The following CENPL variants were observed in gnomAD, a reference collection of about 807,000 sequenced individuals.
CENPL encodes the protein centromere protein L.
In CENPL, 20 loss-of-function variants were observed where a neutral mutation model predicts 35.2. The ratio of observed to expected loss-of-function variants is 0.57; its 90% CI spans 0.40 to 0.83. The LOEUF (loss-of-function observed/expected upper bound fraction) is 0.83. CENPL is among the 40% of genes least tolerant of loss of function. The pLI, the probability that CENPL is intolerant of heterozygous loss-of-function variation, is 0.00. For missense variants in CENPL, 363 were observed against 395.8 expected (o/e 0.92, Z 0.70); for synonymous variants, 140 against 140.6 (o/e 1.00, Z 0.03).
chr1:173,812,227 C>G (rs1187374048), intron 2 of CENPL, among the ~76,000 whole-genome samples: 4 of 152,268 alleles, frequency 2.6e-5, no homozygotes, highest in South Asian at 2.1e-4. Context: ...TAGACTCCAC[C>G]TCTGTGGGCA....
chr1:173,807,389 C>G lies in CENPL; in HGVS notation c.298G>C (p.Val100Leu). ...EYSRLLNAFIVAEKQKGLAVE... is the reference protein window; with the variant it reads ...EYSRLLNAFILAEKQKGLAVE... ...GCAAGTCCTTTTTGCTTTTCAGCAA[C>G]AATAAAAGCATTGAGAAGTCTAGAA... Residue 100 changes from valine to leucine, a missense_variant, in exon 4 of 6, where the codon GTT (valine) becomes CTT (leucine). Coordinates refer to ENST00000682279, the MANE Select transcript of CENPL (RefSeq NM_001387287.1). 6.2e-7 allele frequency: 1 copy of G among 1,613,426 alleles called. No individual in the cohort carries two copies. Among genetic ancestry groups the G allele is most frequent in the Non-Finnish European group, 8.5e-7 (1 of 1,179,672 alleles).
intron 3 of CENPL, 62 bp from the exon 4 acceptor site, chr1:173,807,580 T>C (rs1650352963): frequency 1.5e-6 from 2 of 1,331,698 alleles, no homozygotes; most frequent in Non-Finnish European, 2.0e-6. Flanking sequence ...AATTTAATCA[T>C]AGCATTTAAA....
intron 2 of CENPL, among the ~76,000 whole-genome samples, chr1:173,816,571 C>T (rs1444458717): frequency 1.3e-5 from 2 of 152,148 alleles, no homozygotes; most frequent in Admixed American, 1.3e-4. Context: ...CTGACAAAAA[C>T]AAGAAACGGG....
Position 173,811,293 on chromosome 1 carries a change from A to T in CENPL, c.7T>A (p.Ser3Thr). The T allele has an allele frequency of 1.2e-6, 2 of 1,602,308 alleles. No individual in the cohort carries two copies. Among genetic ancestry groups the T allele is most frequent in the Non-Finnish European group, 1.7e-6 (2 of 1,171,258 alleles). Residue 3 changes from serine to threonine, a missense_variant, in exon 3 of 6, where the codon TCT becomes ACT. Transcript: ENST00000682279. ...GGAGTTGACTCTGGTGCACTGTAAG[A>T]ATCCATGGTCTGTCTGCATAAGAAG... MDSYSAPESTPSA... is the reference protein window; with the variant it reads MDTYSAPESTPSA...
intron 3 of CENPL, 100 bp from the exon 4 acceptor site, chr1:173,807,618 A>C: frequency 2.9e-6 from 3 of 1,017,422 alleles, no homozygotes; most frequent in Non-Finnish European, 4.1e-6. Context: ...ATTATTGAGT[A>C]CCTGATTTTT....
In CENPL at chr1:173,824,747, C is replaced by T. The variant is rs1026799059; in HGVS notation, c.-637G>A. ...GGAGAATTTTGGCTTTGCTCGCCTT[C>T]CTCTTTCAGAAGACTCGAAATCGGC... On this transcript the variant is annotated 5_prime_UTR_variant, in exon 1 of 6. Transcript: ENST00000682279. 2.2e-5 allele frequency: 4 copies of T among 184,398 alleles called. No homozygotes were observed. Among genetic ancestry groups the T allele is most frequent in the Non-Finnish European group, 4.7e-5 (4 of 85,776 alleles). 11.4% of individuals were successfully genotyped at this position (184,398 alleles called of 1,614,324 possible). A position where few individuals can be genotyped will look rare whatever the true frequency, so the allele number is the denominator to read the frequency against.
chr1:173,820,896 G>T (rs968734793), intron 2 of CENPL, among the ~76,000 whole-genome samples: 32 of 152,190 alleles, frequency 2.1e-4, no homozygotes, highest in African/African-American at 6.5e-4. Context: ...GGAAGAGGGT[G>T]GGAGGGACAT....
chr1:173,814,387 TCAC>T (rs1265185494), intron 2 of CENPL, among the ~76,000 whole-genome samples: 1 of 152,198 alleles, frequency 6.6e-6, no homozygotes, highest in Admixed American at 6.5e-5. Context: ...TACATTCTTC[TCAC>T]CACCACATCC....
chr1:173,821,230 A>C (rs999542047), intron 2 of CENPL, among the ~76,000 whole-genome samples: 1 of 152,194 alleles, frequency 6.6e-6, no homozygotes, highest in Non-Finnish European at 1.5e-5. Context: ...CATGAAGTAG[A>C]TCATGCTCCC....
intron 2 of CENPL, among the ~76,000 whole-genome samples, chr1:173,812,887 A>G (rs569836388): frequency 6.6e-6 from 1 of 152,308 alleles, no homozygotes; most frequent in South Asian, 2.1e-4. Context: ...GAGCTAAAGG[A>G]GCATGTTGTA....
chr1:173,813,266 G>C (rs1376729686), intron 2 of CENPL, among the ~76,000 whole-genome samples: 1 of 152,206 alleles, frequency 6.6e-6, no homozygotes, highest in African/African-American at 2.4e-5. Flanking sequence ...ATATTATCCA[G>C]GAGAACTTCC....
At chr1:173,805,307 A>T (rs1364171557) in intron 4 of CENPL, among the ~76,000 whole-genome samples, 4 of 152,188 alleles carry the variant, frequency 2.6e-5, no homozygotes, top group Non-Finnish European at 5.9e-5. Context: ...TCACGAGCTC[A>T]GGAGTTTGAG....
intron 2 of CENPL, among the ~76,000 whole-genome samples, chr1:173,811,537 C>T (rs960594921): frequency 9.9e-5 from 15 of 152,214 alleles, no homozygotes; most frequent in African/African-American, 3.6e-4. Flanking sequence ...CTAAATTCAA[C>T]TTCTTTTCCT....
Position 173,800,474 on chromosome 1 carries a change from C to G in CENPL, c.1009G>C (p.Glu337Gln). Reference protein sequence around the residue: ...YLIGVLAYLTELAIFQIE With the variant: ...YLIGVLAYLTQLAIFQIE ...CACTCAATTTGAAAAATTGCCAGTT[C>G]TGTCAAATATGCTAACACTCCAATA... Residue 337 changes from glutamate to glutamine, a missense_variant, in exon 6 of 6, where the codon GAA (glutamate) becomes CAA (glutamine). Glu to Gln is a conservative substitution (Grantham distance 29). Transcript: ENST00000682279. 1 of 1,488,634 alleles carries G rather than the reference C, an allele frequency of 6.7e-7. No homozygotes were observed. The highest frequency in any genetic ancestry group is 1.1e-5 in the South Asian group (1 of 87,650). The allele number at this position is 1,488,634 out of a possible 1,614,324, so 92.2% of individuals were successfully genotyped here. A position where few individuals can be genotyped will look rare whatever the true frequency, so the allele number is the denominator to read the frequency against.
intron 2 of CENPL, among the ~76,000 whole-genome samples, chr1:173,813,806 A>T (rs1261777593): frequency 6.6e-6 from 1 of 152,194 alleles, no homozygotes; most frequent in Non-Finnish European, 1.5e-5. Context: ...TAATGTCAGG[A>T]TCAGAGTCAC....
chr1:173,822,623 A>G (rs1057161547), intron 2 of CENPL: 3 of 151,980 alleles, frequency 2.0e-5, no homozygotes, highest in Non-Finnish European at 4.4e-5. Context: ...TAATAATTCC[A>G]TTCTTCCTTT....
intron 3 of CENPL, 58 bp downstream of exon 3, chr1:173,811,074 G>A: frequency 1.3e-6 from 2 of 1,493,266 alleles, no homozygotes; most frequent in Non-Finnish European, 9.2e-7. Flanking sequence ...AAATTGAAAT[G>A]TTTTGTTCAC....
rs1007816262 is a variant in CENPL at position 173,824,700 on chromosome 1, C to G, written c.-590G>C. On this transcript the variant is annotated 5_prime_UTR_variant, in exon 1 of 6. Transcript: ENST00000682279. ...AGGGCGCTTGGACCCCAGCGGCGAT[C>G]TGTGTTTGGGTTCGCGCTCTGGGAG... 1.2e-5 allele frequency: 2 copies of G among 165,588 alleles called. No individual in the cohort carries two copies. The highest frequency in any genetic ancestry group is 2.7e-5 in the Non-Finnish European group (2 of 75,140). The allele number at this position is 165,588 out of a possible 1,614,324, so 10.3% of individuals were successfully genotyped here. A position where few individuals can be genotyped will look rare whatever the true frequency, so the allele number is the denominator to read the frequency against.
intron 2 of CENPL, among the ~76,000 whole-genome samples, chr1:173,811,968 T>G (rs1360673155): frequency 6.6e-6 from 1 of 152,194 alleles, no homozygotes; most frequent in Non-Finnish European, 1.5e-5. Flanking sequence ...ACCCAAATAT[T>G]GCACTTTTCC....
Sources: allele counts gnomAD v4.1 joint callset (sites outside exome capture counted in the v4.1 genomes callset), GRCh38; gene constraint gnomAD v4.1.1; transcripts MANE v1.5; gene names NCBI Gene and HGNC (gene_info 2026-07-23, HGNC 2026-07-21).